ARID1B: variants seen among roughly 807,000 people sequenced by gnomAD.
The protein encoded by ARID1B is AT-rich interactive domain-containing protein 1B.
In ARID1B, 30 loss-of-function variants were observed where a neutral mutation model predicts 212.3. That is an observed-to-expected ratio of 0.14 (90% CI 0.11 to 0.19). The LOEUF (loss-of-function observed/expected upper bound fraction) is 0.19, where lower values mean the gene tolerates loss of function less well. Ranked by LOEUF, ARID1B falls within the 10% of genes least tolerant of loss-of-function variation. The probability of loss-of-function intolerance (pLI) is 1.00; values close to 1 mark genes in which losing one functional copy is unlikely to be tolerated. For synonymous variants in ARID1B, 1,402 were observed against 1,301.7 expected (o/e 1.08, Z -1.66); for missense variants, 2,891 against 3,204.0 (o/e 0.90, Z 2.36).
At chr6:157,109,479 A>C (rs1414011875) in intron 5 of ARID1B, among the ~76,000 whole-genome samples, 1 of 152,178 alleles carries the variant, frequency 6.6e-6, no homozygotes, top group African/African-American at 2.4e-5. Flanking sequence ...GGGAGGGTAG[A>C]AGATAAAATA....
Position 156,779,171 on chromosome 6 carries a change from G to A in ARID1B, c.1491G>A (p.Gly497=), listed in dbSNP as rs2114997908. Residue 497 remains glycine, a synonymous_variant, in exon 1 of 20, where the codon GGG becomes GGA. Coordinates refer to ENST00000636930, the MANE Select transcript of ARID1B (RefSeq NM_001374828.1). The stretch of plus-strand genomic sequence containing the variant: ...CCGGCCAGAACCAGCACCCGTCGGG[G>A]GCCACCCCGACCCTCAATCAGCTGC... ...RFAGQNQHPS[G]ATPTLNQLLT... 1 of 1,331,642 alleles carries A rather than the reference G, an allele frequency of 7.5e-7. No individual in the cohort carries two copies. Among genetic ancestry groups the A allele is most frequent in the South Asian group, 2.0e-5 (1 of 50,876 alleles). 82.5% of individuals were successfully genotyped at this position (1,331,642 alleles called of 1,614,324 possible).
intron 5 of ARID1B, among the ~76,000 whole-genome samples, chr6:157,103,654 T>G (rs1007136123): frequency 2.0e-5 from 3 of 152,202 alleles, no homozygotes; most frequent in African/African-American, 7.2e-5. Context: ...AATTTGGTAC[T>G]TATCTTGATT....
chr6:157,017,963 C>CAAAAAAAA (rs112983063), intron 4 of ARID1B, among the ~76,000 whole-genome samples: 2 of 97,310 alleles, frequency 2.1e-5, no homozygotes, highest in East Asian at 2.8e-4. Context: ...ACCATCTCTA[C>CAAAAAAAA]AAAAAAAAAA....
chr6:157,127,797 A>AAAC (rs1788239956), intron 6 of ARID1B, among the ~76,000 whole-genome samples: 1 of 137,276 alleles, frequency 7.3e-6, no homozygotes, highest in African/African-American at 2.8e-5. Context: ...AAAAAAAAAA[A>AAAC]AAAAAAAAAC....
In ARID1B at chr6:157,206,107, A is replaced by G; in HGVS notation, c.5395-60A>G. ...CTCAGGATCTTTACCCTCCTCGGTC[A>G]TATCTGATGTCATGACATTGTACCT... On this transcript the variant is annotated intron_variant, in intron 19 of 19. Transcript: ENST00000636930. This position sits in a 1 kb window ranked among gnomAD's most constrained non-coding sequence, Gnocchi z 6.8. 6.5e-7 allele frequency: 1 copy of G among 1,544,516 alleles called. No individual in the cohort carries two copies. Among genetic ancestry groups the G allele is most frequent in the Non-Finnish European group, 8.8e-7 (1 of 1,131,852 alleles).
chr6:156,809,973 G>A (rs1002644587), intron 1 of ARID1B, among the ~76,000 whole-genome samples: 1 of 152,188 alleles, frequency 6.6e-6, no homozygotes, highest in Non-Finnish European at 1.5e-5. Flanking sequence ...TGGGAAATCA[G>A]CACAGCATGT....
intron 16 of ARID1B, 118 bp from the exon 17 acceptor site, chr6:157,198,693 G>T: frequency 1.3e-6 from 1 of 755,074 alleles, no homozygotes; most frequent in Non-Finnish European, 2.1e-6. Flanking sequence ...GGAGGGGTGC[G>T]CAGTAAAAGC....
intron 4 of ARID1B, among the ~76,000 whole-genome samples, chr6:156,951,673 G>A (rs1793600470): frequency 6.6e-6 from 1 of 152,052 alleles, no homozygotes; most frequent in African/African-American, 2.4e-5. Flanking sequence ...TCAATCTCCT[G>A]ACCTCGTGAT....
At chr6:157,084,267 G>A (rs180693092) in intron 4 of ARID1B, among the ~76,000 whole-genome samples, 100 of 151,944 alleles carry the variant, frequency 6.6e-4, no homozygotes, top group Admixed American at 3.6e-3. Context: ...AGGACTCAAA[G>A]CCTGTAGTTT....
chr6:157,045,839 A>C (rs996915578), intron 4 of ARID1B, among the ~76,000 whole-genome samples: 3 of 152,188 alleles, frequency 2.0e-5, no homozygotes, highest in African/African-American at 7.2e-5. Flanking sequence ...CTCAAACTTA[A>C]AATTATAGAA....
chr6:156,859,672 G>A (rs1785187724), intron 2 of ARID1B, among the ~76,000 whole-genome samples: 2 of 152,172 alleles, frequency 1.3e-5, no homozygotes, highest in South Asian at 4.1e-4. Flanking sequence ...GTGTTAACTG[G>A]TATTAAAGCT....
At chr6:157,119,026 C>G (rs1787522808) in intron 6 of ARID1B, among the ~76,000 whole-genome samples, 1 of 152,070 alleles carries the variant, frequency 6.6e-6, no homozygotes, top group Non-Finnish European at 1.5e-5. Flanking sequence ...TTTTCCTGTT[C>G]CTTTTGTGTT....
chr6:157,197,728 G>A (rs1000963855), intron 16 of ARID1B, among the ~76,000 whole-genome samples: 1 of 152,054 alleles, frequency 6.6e-6, no homozygotes, highest in Non-Finnish European at 1.5e-5. Context: ...TTTTGGGGGG[G>A]GTAGCTGGCA....
intron 4 of ARID1B, among the ~76,000 whole-genome samples, chr6:157,065,108 A>G (rs1363837673): frequency 6.6e-6 from 1 of 152,228 alleles, no homozygotes. Context: ...ATTTTATCAT[A>G]TTTGGGGAAA....
At chr6:157,193,981 C>A (rs557340753) in intron 15 of ARID1B, 24 of 152,282 alleles carry the variant, frequency 1.6e-4, no homozygotes, top group African/African-American at 5.8e-4. Flanking sequence ...GTTCTCACCC[C>A]CTTACTAAGA....
At chr6:157,169,873 A>G (rs1791592635) in intron 9 of ARID1B, 1 of 152,172 alleles carries the variant, frequency 6.6e-6, no homozygotes, top group African/African-American at 2.4e-5. Flanking sequence ...AGGCTTTCTC[A>G]CAGAGAGCCC....
intron 3 of ARID1B, among the ~76,000 whole-genome samples, chr6:156,911,354 T>G (rs1429075011): frequency 1.3e-5 from 2 of 151,384 alleles, no homozygotes; most frequent in Non-Finnish European, 2.9e-5. Flanking sequence ...TTTTTTTTTT[T>G]TTTTTGCTTT....
At chr6:156,895,664 A>T (rs184674755) in intron 2 of ARID1B, among the ~76,000 whole-genome samples, 4 of 152,212 alleles carry the variant, frequency 2.6e-5, no homozygotes, top group Admixed American at 2.6e-4. Flanking sequence ...TAATTTAGAC[A>T]TATAGAAAAG....
chr6:157,041,865 C>G (rs1283578178), intron 4 of ARID1B, among the ~76,000 whole-genome samples: 1 of 152,188 alleles, frequency 6.6e-6, no homozygotes, highest in African/African-American at 2.4e-5. Flanking sequence ...CACTCAACTC[C>G]TCTTACTAAG....
Sources: allele counts gnomAD v4.1 joint callset (sites outside exome capture counted in the v4.1 genomes callset), GRCh38; gene constraint gnomAD v4.1.1; non-coding constraint Gnocchi (gnomAD v3.1); transcripts MANE v1.5; gene names NCBI Gene and HGNC (gene_info 2026-07-23, HGNC 2026-07-21).